The following MROH9 variants were observed in gnomAD, a reference collection of about 807,000 sequenced individuals.
MROH9 encodes maestro heat-like repeat-containing protein family member 9.
In MROH9, 92 loss-of-function variants were observed where a neutral mutation model predicts 98.2. That is an observed-to-expected ratio of 0.94 (90% confidence interval 0.79 to 1.11). MROH9 has a LOEUF of 1.11. Among genes scored for constraint, MROH9 ranks in the 50% most tolerant of loss-of-function variants. The pLI is 0.00. For synonymous variants in MROH9, 397 were observed against 368.9 expected, an observed-to-expected ratio of 1.08 and a Z score of -0.87; for missense variants, 1,057 against 1,014.8, an observed-to-expected ratio of 1.04 and a Z score of -0.57.
At chr1:171,005,290 C>G (rs927771605) in intron 15 of MROH9, among the ~76,000 whole-genome samples, 5 of 152,118 alleles carry the variant, frequency 3.3e-5, no homozygotes, top group African/African-American at 9.7e-5. Context: ...AGGTTGATCT[C>G]AAACTCCTGA....
intron 20 of MROH9, 34 bp downstream of exon 20, chr1:171,025,454 T>C (rs370043895): frequency 7.5e-7 from 1 of 1,339,392 alleles, no homozygotes; most frequent in Non-Finnish European, 1.0e-6. Flanking sequence ...TCCTAACTTG[T>C]CTTAAATGGT....
At chr1:171,036,440 A>G (rs1417275147) in intron 20 of MROH9, among the ~76,000 whole-genome samples, 1 of 152,122 alleles carries the variant, frequency 6.6e-6, no homozygotes, top group Non-Finnish European at 1.5e-5. Context: ...TGTTGCTTGT[A>G]GTGGGAACAG....
intron 20 of MROH9, among the ~76,000 whole-genome samples, chr1:171,046,735 T>G (rs1653484131): frequency 6.6e-6 from 1 of 152,244 alleles, no homozygotes; most frequent in South Asian, 2.1e-4. Context: ...GTGTTTTTTC[T>G]GTGTACTTAC....
At chr1:171,055,736 G>A (rs1426160900) in intron 20 of MROH9, among the ~76,000 whole-genome samples, 2 of 151,984 alleles carry the variant, frequency 1.3e-5, no homozygotes, top group South Asian at 2.1e-4. Flanking sequence ...AACTAGAAAC[G>A]GTGGCAGTCG....
chr1:171,022,327 G>A (rs527739777), intron 17 of MROH9, among the ~76,000 whole-genome samples: 6 of 152,150 alleles, frequency 3.9e-5, no homozygotes, highest in African/African-American at 7.2e-5. Flanking sequence ...ACTTACAGTA[G>A]CAAAGTCATG....
intron 1 of MROH9, among the ~76,000 whole-genome samples, chr1:170,937,106 A>G (rs868479031): frequency 7.2e-5 from 11 of 152,314 alleles, no homozygotes; most frequent in African/African-American, 9.6e-5. Context: ...GTTAATTTTA[A>G]AGGACTCCAG....
At chr1:171,063,256 T>TG (rs1474815812) in intron 21 of MROH9, among the ~76,000 whole-genome samples, 1 of 131,146 alleles carries the variant, frequency 7.6e-6, no homozygotes, top group African/African-American at 4.2e-5. Flanking sequence ...TCCCGGATTT[T>TG]TTTTTTTTTT....
chr1:171,056,681 A>G (rs1035788435), intron 20 of MROH9, among the ~76,000 whole-genome samples: 2 of 152,170 alleles, frequency 1.3e-5, no homozygotes, highest in Non-Finnish European at 2.9e-5. Context: ...ACTGGGTGAC[A>G]ACAGGGGTTG....
intron 20 of MROH9, among the ~76,000 whole-genome samples, chr1:171,028,815 G>C (rs370546726): frequency 6.6e-6 from 1 of 152,070 alleles, no homozygotes; most frequent in Non-Finnish European, 1.5e-5. Flanking sequence ...CTCATGATTT[G>C]GCTCTCTGTG....
intron 20 of MROH9, among the ~76,000 whole-genome samples, chr1:171,046,465 T>G (rs971634007): frequency 5.3e-5 from 8 of 152,344 alleles, no homozygotes; most frequent in Non-Finnish European, 1.0e-4. Flanking sequence ...TGTACATTTT[T>G]TGGTTTGTGG....
At chr1:170,937,789 C>T (rs1648958618) in intron 1 of MROH9, among the ~76,000 whole-genome samples, 1 of 152,158 alleles carries the variant, frequency 6.6e-6, no homozygotes, top group South Asian at 2.1e-4. Context: ...TCCCAAAGTG[C>T]TGGGATTACA....
chr1:171,052,120 G>A (rs1161142284), intron 20 of MROH9, among the ~76,000 whole-genome samples: 2 of 152,068 alleles, frequency 1.3e-5, no homozygotes, highest in Non-Finnish European at 2.9e-5. Context: ...AGTCTTGGGA[G>A]ATTGTATGTT....
intron 17 of MROH9, among the ~76,000 whole-genome samples, chr1:171,017,172 C>G (rs530750145): frequency 6.6e-6 from 1 of 152,222 alleles, no homozygotes; most frequent in Non-Finnish European, 1.5e-5. Flanking sequence ...CTAGAAGCAG[C>G]AGCATCCGGA....
At chr1:170,939,350 G>C (rs533982131) in intron 1 of MROH9, among the ~76,000 whole-genome samples, 28 of 152,344 alleles carry the variant, frequency 1.8e-4, no homozygotes, top group African/African-American at 6.3e-4. Context: ...GGATTGCACT[G>C]CTTGGGGTTT....
Position 170,998,839 on chromosome 1 carries a change from A to C in MROH9, c.1596+565A>C, listed in dbSNP as rs530505927. On this transcript the variant is annotated intron_variant, in intron 15 of 21. Transcript: ENST00000367759. ...ATCTAATTTTTTCATTAAAATAATAATATAATAGGCACATATTACCTAAGG... is the reference window on the plus strand; with the variant it reads ...ATCTAATTTTTTCATTAAAATAATACTATAATAGGCACATATTACCTAAGG... 6.3e-6 allele frequency: 5 copies of C among 790,714 alleles called. No individual in the cohort carries two copies. The South Asian group carries it at 2.9e-4, about 46-fold the overall frequency. 49.0% of individuals were successfully genotyped at this position (790,714 alleles called of 1,614,324 possible).
At chr1:171,026,279 C>CTT (rs113090622) in intron 20 of MROH9, among the ~76,000 whole-genome samples, 12,498 of 143,662 alleles carry the variant, frequency 0.087, 1,667 homozygotes, top group African/African-American at 0.29. Flanking sequence ...ATTTTCTTTT[C>CTT]TTTTTTTTTT....
chr1:171,053,615 C>T (rs996695870), intron 20 of MROH9, among the ~76,000 whole-genome samples: 4 of 151,952 alleles, frequency 2.6e-5, no homozygotes, highest in African/African-American at 9.7e-5. Flanking sequence ...CAAGAGAAAA[C>T]AAATAGTAGA....
intron 17 of MROH9, among the ~76,000 whole-genome samples, chr1:171,021,325 A>G (rs542324489): frequency 2.0e-5 from 3 of 152,304 alleles, no homozygotes; most frequent in Admixed American, 2.0e-4. Context: ...ACAAAGAACA[A>G]AGCTGAAGAC....
intron 20 of MROH9, among the ~76,000 whole-genome samples, chr1:171,038,418 A>G (rs1571159366): frequency 6.6e-6 from 1 of 152,318 alleles, no homozygotes; most frequent in South Asian, 2.1e-4. Context: ...ATAAATCATT[A>G]CTTTCTCTAA....
Sources: gnomAD v4.1 joint callset for allele counts (sites outside exome capture counted in the v4.1 genomes callset) on GRCh38, gnomAD v4.1.1 for gene constraint, MANE v1.5 for transcripts, NCBI Gene and HGNC (gene_info 2026-07-23, HGNC 2026-07-21) for gene names.